Variants in PANX2 observed in about 807,000 individuals in gnomAD.
PANX2 encodes pannexin-2.
In PANX2, 30 loss-of-function variants were observed where a neutral mutation model predicts 38.7. The observed-to-expected ratio is 0.78, with a 90% CI of 0.58 to 1.05. PANX2 has a LOEUF of 1.05. PANX2 is among the 50% of genes least tolerant of loss of function. The pLI is 0.00. For synonymous variants in PANX2, 539 were observed against 472.1 expected (o/e 1.14, Z -1.84); for missense variants, 880 against 979.3 (o/e 0.90, Z 1.35).
At position 50,178,367 on chromosome 22, in the gene PANX2, A is replaced by C; in HGVS notation, c.1655A>C (p.Asp552Ala). Residue 552 changes from aspartate to alanine, a missense_variant, in exon 2 of 3, where the codon GAC (aspartate) becomes GCC (alanine). Coordinates refer to ENST00000395842, the MANE Select transcript of PANX2 (RefSeq NM_052839.4). ...QEGGFLSQAE[D>A]CGLGLAPAPI... The stretch of plus-strand genomic sequence containing the variant: ...GGGGGCTTCCTGTCCCAGGCGGAGG[A>C]CTGTGGGCTAGGCCTGGCCCCGGCG... The C allele has an allele frequency of 6.8e-7, 1 of 1,475,392 alleles. No individual in the cohort carries two copies. Among genetic ancestry groups the C allele is most frequent in the Non-Finnish European group, 8.9e-7 (1 of 1,120,840 alleles). 91.4% of individuals were successfully genotyped at this position (1,475,392 alleles called of 1,614,324 possible). A position where few individuals can be genotyped will look rare whatever the true frequency, so the allele number is the denominator to read the frequency against.
rs1444465426 is a variant in PANX2 at position 50,178,242 on chromosome 22, G to C, written c.1530G>C (p.Ala510=). The C allele has an allele frequency of 3.0e-6, 4 of 1,316,160 alleles. No homozygotes were observed. The Admixed American group carries it at 1.0e-4, about 33-fold the overall frequency. 81.5% of individuals were successfully genotyped at this position (1,316,160 alleles called of 1,614,324 possible). The change falls in exon 2 of 3, where the codon GCG becomes GCC. Residue 510 remains alanine (A), a synonymous_variant. Coordinates refer to ENST00000395842, the MANE Select transcript of PANX2 (RefSeq NM_052839.4). ...CGCCCGCCCCTGACAAGAAGCACGCGCGCCACTTCTCCCTGGACGTGCACC... is the reference window on the plus strand; with the variant it reads ...CGCCCGCCCCTGACAAGAAGCACGCCCGCCACTTCTCCCTGGACGTGCACC... ...APPPAPDKKH[A]RHFSLDVHPY... is the part of the protein sequence containing the mutation.
chr22:50,177,546 C>T lies in PANX2; in HGVS notation c.834C>T (p.Ser278=), dbSNP rs750208004. 8 of 1,611,766 alleles carry T rather than the reference C, an allele frequency of 5.0e-6. No individual in the cohort carries two copies. The highest frequency in any genetic ancestry group is 6.8e-6 in the Non-Finnish European group (8 of 1,179,564). Residue 278 remains serine, a synonymous_variant, in exon 2 of 3, where the codon AGC becomes AGT. Transcript: ENST00000395842. ...AAGAGPAVRV[S]CKLPSVQLQR... is the part of the protein sequence containing the mutation. ...GTGCGGGGCCCGCGGTGCGCGTGAG[C>T]TGCAAGCTCCCGTCCGTGCAACTGC...
Position 50,179,016 on chromosome 22 carries a change from C to A in PANX2, c.1773C>A (p.Val591=). 6.2e-7 allele frequency: 1 copy of A among 1,610,628 alleles called. No homozygotes were observed. Among genetic ancestry groups the A allele is most frequent in the African/African-American group, 1.3e-5 (1 of 75,006 alleles). The part of the protein sequence containing the change: ...AGLPSGGPFH[V]RSPPAAPAVA... ...TTCCCTCGGGGGGCCCGTTCCACGTCCGCTCACCTCCCGCCGCCCCTGCTG... is the reference window on the plus strand; with the variant it reads ...TTCCCTCGGGGGGCCCGTTCCACGTACGCTCACCTCCCGCCGCCCCTGCTG... Residue 591 remains valine, a synonymous_variant, in exon 3 of 3, where the codon GTC becomes GTA. Coordinates refer to ENST00000395842, the MANE Select transcript of PANX2 (RefSeq NM_052839.4).
rs1038560395 is a variant in PANX2, at chr22:50,179,605, T to C, written c.*328T>C. 4 of 307,150 alleles carry C rather than the reference T, an allele frequency of 1.3e-5. No homozygotes were observed. The highest frequency in any genetic ancestry group is 6.7e-5 in the African/African-American group (3 of 44,838). 19.0% of individuals were successfully genotyped at this position (307,150 alleles called of 1,614,324 possible). On this transcript the variant is annotated 3_prime_UTR_variant, in exon 3 of 3. Transcript: ENST00000395842. ...CCCTGAGGTGAAGAGTTTATTTTTT[T>C]AGTCCGTTTCGTCCTGGCCCCGGGC...
At chr22:50,171,266 A>G (rs1050060514) in intron 1 of PANX2, among the ~76,000 whole-genome samples, 2 of 152,174 alleles carry the variant, frequency 1.3e-5, no homozygotes, top group African/African-American at 4.8e-5. Flanking sequence ...GGTTTGGAGA[A>G]TGTCACAAGC....
rs926951600 is a variant in PANX2 at position 50,177,636 on chromosome 22, C to T, written c.924C>T (p.Asn308=). ...TCATGAACCTCATCATCCTCGTCAA[C>T]CTCATCCACCTCTTCATCTTCCGCA... ...LCVMNLIILV[N]LIHLFIFRKS... Residue 308 remains asparagine, a synonymous_variant, in exon 2 of 3, where the codon AAC becomes AAT. Transcript: ENST00000395842. The T allele has an allele frequency of 6.8e-6, 11 of 1,612,768 alleles. No individual in the cohort carries two copies. In the Admixed American group the frequency reaches 1.2e-4, roughly 17 times the overall value.
Position 50,177,127 on chromosome 22 carries a change from G to A in PANX2, c.415G>A (p.Ala139Thr), listed in dbSNP as rs1231701047. The A allele has an allele frequency of 1.9e-6, 3 of 1,608,146 alleles. No homozygotes were observed. ...LAFAAIMYVP[A>T]LGWEFLASTR... The stretch of plus-strand genomic sequence containing the variant: ...CTTCGCCGCCATCATGTACGTGCCC[G>A]CGCTGGGCTGGGAGTTCCTGGCCTC... The change falls in exon 2 of 3, where the codon GCG becomes ACG. Residue 139 changes from alanine (A) to threonine (T), a missense_variant. By Grantham distance (58) the Ala-to-Thr change is moderately conservative (BLOSUM62 0). This residue lies in a region of PANX2 where 243 missense variants were observed against 333.1 expected (regional missense o/e 0.73). Coordinates refer to ENST00000395842, the MANE Select transcript of PANX2 (RefSeq NM_052839.4).
Position 50,179,292 on chromosome 22 carries a change from C to T in PANX2, c.*15C>T, listed in dbSNP as rs747258701. The T allele has an allele frequency of 5.0e-6, 8 of 1,604,080 alleles. No individual in the cohort carries two copies. Among genetic ancestry groups the T allele is most frequent in the Middle Eastern group, 1.7e-4 (1 of 6,008 alleles). On this transcript the variant is annotated 3_prime_UTR_variant, in exon 3 of 3. Coordinates refer to ENST00000395842, the MANE Select transcript of PANX2 (RefSeq NM_052839.4). ...TGGAGTTTTGAGGGATGGCACCGTC[C>T]AGGCCGCCGAGAGCCCCTCTGCCTG...
At chr22:50,178,540 G>A in intron 2 of PANX2, 138 bp downstream of exon 2, 2 of 583,898 alleles carry the variant, frequency 3.4e-6, no homozygotes, top group Non-Finnish European at 5.6e-6. Flanking sequence ...AAGGGGGAAG[G>A]GAGGAGGCCG....
Position 50,178,422 on chromosome 22 carries a change from G to A in PANX2, c.1690+20G>A. 7.3e-7 allele frequency: 1 copy of A among 1,374,064 alleles called. No homozygotes were observed. 85.1% of individuals were successfully genotyped at this position (1,374,064 alleles called of 1,614,324 possible). On this transcript the variant is annotated intron_variant, in intron 2 of 2. Coordinates refer to ENST00000395842, the MANE Select transcript of PANX2 (RefSeq NM_052839.4). ...TCAAAGGTAGGGGCAGGGCCGGAGA[G>A]AGGGGACGGGGGACTGGGGGTGGGA...
Position 50,179,648 on chromosome 22 carries a change from A to C in PANX2, c.*371A>C. ...CCCCGGGCTGTGGCGAGACAGCCCA[A>C]CTCCCCCAGCCCAGCTCCCCCAGCC... On this transcript the variant is annotated 3_prime_UTR_variant, in exon 3 of 3. Transcript: ENST00000395842. 2 of 206,564 alleles carry C rather than the reference A, an allele frequency of 9.7e-6. No individual in the cohort carries two copies. The highest frequency in any genetic ancestry group is 1.4e-4 in the South Asian group (2 of 14,438). 12.8% of individuals were successfully genotyped at this position (206,564 alleles called of 1,614,324 possible).
rs772686758 is a variant in PANX2 at position 50,178,191 on chromosome 22, C to T, written c.1479C>T (p.Pro493=). ...HYKGGGGDPG[P]GPAPAPAPPP... is the part of the protein sequence containing the mutation. ...AGGGCGGAGGGGGCGACCCGGGCCC[C>T]GGCCCCGCCCCTGCCCCCGCCCCGC... The change falls in exon 2 of 3, where the codon CCC becomes CCT. Residue 493 remains proline, a synonymous_variant. Transcript: ENST00000395842. 2.2e-5 allele frequency: 32 copies of T among 1,462,852 alleles called. No homozygotes were observed. In the South Asian group the frequency reaches 3.0e-4, roughly 14 times the overall value. The allele number at this position is 1,462,852 out of a possible 1,614,324, so 90.6% of individuals were successfully genotyped here.
Position 50,179,755 on chromosome 22 carries a change from C to T in PANX2, c.*478C>T, listed in dbSNP as rs1273707855. ...TGGGGTCACATGCTCAGGGGTCACC[C>T]CCTGCAGGGACCTGATGCCCTCGGG... On this transcript the variant is annotated 3_prime_UTR_variant, in exon 3 of 3. Transcript: ENST00000395842. The T allele has an allele frequency of 6.1e-6, 1 of 163,206 alleles. No homozygotes were observed. 10.1% of individuals were successfully genotyped at this position (163,206 alleles called of 1,614,324 possible).
At position 50,180,272 on chromosome 22, in the gene PANX2, C is replaced by G. The variant is rs899933573; in HGVS notation, c.*995C>G. On this transcript the variant is annotated 3_prime_UTR_variant, in exon 3 of 3. Transcript: ENST00000395842. ...ATTAACAAGGTAGCACCGAGCATAT[C>G]AATAAATATTATTCTGATAATCACC... 1.3e-5 allele frequency: 2 copies of G among 152,288 alleles called. No homozygotes were observed. The highest frequency in any genetic ancestry group is 2.9e-5 in the Non-Finnish European group (2 of 68,064). The allele number at this position is 152,288 out of a possible 1,614,324, so 9.4% of individuals were successfully genotyped here. A position where few individuals can be genotyped will look rare whatever the true frequency, so the allele number is the denominator to read the frequency against.
Position 50,179,103 on chromosome 22 carries a change from C to G in PANX2, c.1860C>G (p.Asn620Lys), listed in dbSNP as rs145485598. The change falls in exon 3 of 3, where the codon AAC becomes AAG. Residue 620 changes from asparagine to lysine, a missense_variant. By Grantham distance (94) the Asn-to-Lys change is moderately conservative. Transcript: ENST00000395842. ...KAEPLTILSR[N>K]ATHPLLHINT... Reference sequence around the variant, plus strand: ...AGCCCCTCACCATCCTGAGCCGAAACGCCACACACCCGCTGCTGCACATCA... The same window carrying G: ...AGCCCCTCACCATCCTGAGCCGAAAGGCCACACACCCGCTGCTGCACATCA... The G allele has an allele frequency of 3.2e-5, 51 of 1,611,934 alleles. No individual in the cohort carries two copies.
Position 50,177,924 on chromosome 22 carries a change from C to G in PANX2, c.1212C>G (p.Thr404=). 6 of 1,531,022 alleles carry G rather than the reference C, an allele frequency of 3.9e-6. No homozygotes were observed. The highest frequency in any genetic ancestry group is 5.2e-6 in the Non-Finnish European group (6 of 1,143,018). 94.8% of individuals were successfully genotyped at this position (1,531,022 alleles called of 1,614,324 possible). A position where few individuals can be genotyped will look rare whatever the true frequency, so the allele number is the denominator to read the frequency against. ...CGGTGCGCGACTCGGGGGTGCAGAC[C>G]GTGGACCCCAGCGCCAACCCCGCCG... The part of the protein sequence containing the change: ...TPTVRDSGVQ[T]VDPSANPAEP... The change falls in exon 2 of 3, where the codon ACC becomes ACG. Residue 404 remains threonine (T), a synonymous_variant. Transcript: ENST00000395842.
chr22:50,175,768 G>A (rs2063657930), intron 1 of PANX2, among the ~76,000 whole-genome samples: 1 of 152,230 alleles, frequency 6.6e-6, no homozygotes, highest in Non-Finnish European at 1.5e-5. Context: ...TCCGTGTGGG[G>A]TCTGAGGGGC....
chr22:50,172,859 G>A (rs185950811), intron 1 of PANX2, among the ~76,000 whole-genome samples: 1 of 148,480 alleles, frequency 6.7e-6, no homozygotes, highest in African/African-American at 2.5e-5. Context: ...TTCCCAAGTA[G>A]CTGGGACTAC....
At position 50,177,562 on chromosome 22, in the gene PANX2, G is replaced by C; in HGVS notation, c.850G>C (p.Val284Leu). The C allele has an allele frequency of 6.2e-7, 1 of 1,612,384 alleles. No homozygotes were observed. Among genetic ancestry groups the C allele is most frequent in the East Asian group, 2.2e-5 (1 of 44,876 alleles). The change falls in exon 2 of 3, where the codon GTG becomes CTG. Residue 284 changes from valine (V) to leucine (L), a missense_variant. Coordinates refer to ENST00000395842, the MANE Select transcript of PANX2 (RefSeq NM_052839.4). Reference sequence around the variant, plus strand: ...GCGCGTGAGCTGCAAGCTCCCGTCCGTGCAACTGCAGCGCATCATCGCGGG... The same window carrying C: ...GCGCGTGAGCTGCAAGCTCCCGTCCCTGCAACTGCAGCGCATCATCGCGGG... Reference protein sequence around the residue: ...AVRVSCKLPSVQLQRIIAGVD... With the variant: ...AVRVSCKLPSLQLQRIIAGVD...
Sources: gnomAD v4.1 joint callset for allele counts (sites outside exome capture counted in the v4.1 genomes callset) on GRCh38, gnomAD v4.1.1 for gene constraint, gnomAD v4.1.1 regional missense constraint, MANE v1.5 for transcripts, NCBI Gene and HGNC (gene_info 2026-07-23, HGNC 2026-07-21) for gene names.